PALM2AKAP2: variants seen among roughly 807,000 people sequenced by gnomAD.
PALM2AKAP2 encodes PALM2-AKAP2 fusion protein.
PALM2AKAP2 carries 37 observed loss-of-function variants against 71.5 expected under a neutral mutation model. The ratio of observed to expected loss-of-function variants is 0.52; its 90% CI spans 0.40 to 0.68. The LOEUF (loss-of-function observed/expected upper bound fraction) is 0.68, where lower values mean the gene tolerates loss of function less well. Ranked by LOEUF, PALM2AKAP2 falls within the 30% of genes least tolerant of loss-of-function variation. The pLI is 0.00. For missense variants in PALM2AKAP2, 1,224 were observed against 1,191.8 expected, an observed-to-expected ratio of 1.03 and a Z score of -0.40; for synonymous variants, 468 against 478.8, an observed-to-expected ratio of 0.98 and a Z score of 0.29.
intron 1 of PALM2AKAP2, among the ~76,000 whole-genome samples, chr9:110,120,250 G>A (rs1043403716): frequency 6.6e-6 from 1 of 152,182 alleles, no homozygotes. Context: ...GCAACAAGAT[G>A]GTGCCATTGC....
chr9:109,755,694 C>T (rs1828948021), intron 1 of PALM2AKAP2, among the ~76,000 whole-genome samples: 1 of 151,832 alleles, frequency 6.6e-6, no homozygotes, highest in Non-Finnish European at 1.5e-5. Context: ...TCCCCAGCCC[C>T]CACCTCCACC....
At chr9:110,109,337 C>CAAA (rs1835188422) in intron 1 of PALM2AKAP2, among the ~76,000 whole-genome samples, 1 of 107,022 alleles carries the variant, frequency 9.3e-6, no homozygotes, top group Non-Finnish European at 2.0e-5. Flanking sequence ...AAAAAAAAAA[C>CAAA]CAGAAAGAAA....
intron 1 of PALM2AKAP2, among the ~76,000 whole-genome samples, chr9:109,767,994 A>G (rs1829185012): frequency 8.8e-6 from 1 of 113,668 alleles, no homozygotes; most frequent in Non-Finnish European, 1.6e-5. Context: ...GGAAGGAGGG[A>G]GCAAAGGCAG....
chr9:109,914,041 C>T (rs747887929), intron 3 of PALM2AKAP2, among the ~76,000 whole-genome samples: 7 of 152,150 alleles, frequency 4.6e-5, no homozygotes, highest in Non-Finnish European at 1.0e-4. Context: ...CAGGCGTGAA[C>T]CACCGCGCCC....
chr9:109,867,856 A>C (rs907669770), intron 2 of PALM2AKAP2, among the ~76,000 whole-genome samples: 9 of 152,276 alleles, frequency 5.9e-5, no homozygotes, highest in Admixed American at 4.6e-4. Context: ...TTGGATGAGA[A>C]TACTTCACAG....
chr9:109,899,460 C>A (rs1830280844), intron 3 of PALM2AKAP2, among the ~76,000 whole-genome samples: 1 of 152,180 alleles, frequency 6.6e-6, no homozygotes, highest in African/African-American at 2.4e-5. Flanking sequence ...AGTCTCCCTT[C>A]CCCTAGTGTT....
At chr9:109,780,997 C>G (rs1829437005) in intron 1 of PALM2AKAP2, among the ~76,000 whole-genome samples, 1 of 152,154 alleles carries the variant, frequency 6.6e-6, no homozygotes, top group African/African-American at 2.4e-5. Flanking sequence ...GAACCTCCTC[C>G]CAGAAACCGG....
At chr9:109,733,587 A>G (rs75331425) in intron 1 of PALM2AKAP2, among the ~76,000 whole-genome samples, 6,584 of 152,220 alleles carry the variant, frequency 0.043, 189 homozygotes, top group Non-Finnish European at 0.053. Flanking sequence ...CTCCTTGTTT[A>G]TGGAATGACA....
chr9:110,096,928 T>TTTTA (rs149932603), intron 1 of PALM2AKAP2, among the ~76,000 whole-genome samples: 19,430 of 148,316 alleles, frequency 0.13, 1,675 homozygotes, highest in East Asian at 0.34. Flanking sequence ...AGAATTTTCT[T>TTTTA]TTTATTTATT....
chr9:109,962,706 G>A (rs1307727863), intron 6 of PALM2AKAP2, among the ~76,000 whole-genome samples: 6 of 150,720 alleles, frequency 4.0e-5, no homozygotes, highest in Middle Eastern at 3.2e-3. Flanking sequence ...GCAGTGGCAC[G>A]ATCTCGGCTC....
chr9:109,887,685 G>GC (rs35104652), intron 3 of PALM2AKAP2, among the ~76,000 whole-genome samples: 10 of 151,548 alleles, frequency 6.6e-5, no homozygotes, highest in African/African-American at 1.2e-4. Flanking sequence ...GTAACTTGCT[G>GC]CCCCCCCCTA....
chr9:110,016,290 A>G (rs750315381), intron 7 of PALM2AKAP2, among the ~76,000 whole-genome samples: 4 of 152,158 alleles, frequency 2.6e-5, no homozygotes, highest in Non-Finnish European at 5.9e-5. Flanking sequence ...AAACTGCTTG[A>G]AAACCAGAAT....
intron 1 of PALM2AKAP2, among the ~76,000 whole-genome samples, chr9:109,845,537 A>C (rs1361277722): frequency 6.6e-6 from 1 of 152,186 alleles, no homozygotes; most frequent in African/African-American, 2.4e-5. Flanking sequence ...GGTGACCCTT[A>C]CTGCGTAGTC....
intron 7 of PALM2AKAP2, among the ~76,000 whole-genome samples, chr9:110,016,902 CG>C (rs1832989401): frequency 6.6e-6 from 1 of 151,784 alleles, no homozygotes; most frequent in Non-Finnish European, 1.5e-5. Flanking sequence ...TTTTTTGAGA[CG>C]GAGTCTCTCT....
At chr9:110,110,648 G>C (rs1835227702) in intron 1 of PALM2AKAP2, among the ~76,000 whole-genome samples, 1 of 146,490 alleles carries the variant, frequency 6.8e-6, no homozygotes, top group Non-Finnish European at 1.5e-5. Flanking sequence ...CCGGGTTCAA[G>C]CGATTCTCCT....
intron 1 of PALM2AKAP2, among the ~76,000 whole-genome samples, chr9:109,857,982 T>G (rs1024732969): frequency 2.0e-5 from 3 of 152,234 alleles, no homozygotes; most frequent in African/African-American, 7.2e-5. Flanking sequence ...TAAATTGCAG[T>G]TGTTTAGACA....
In PALM2AKAP2 at chr9:110,091,616, C is replaced by T. The variant is rs560721695; in HGVS notation, c.156+42761C>T. ...TAGCTGGGACTATAGGCGCCTGCCT[C>T]CACACCCGGCTAATTTTTTGTATTT... is the stretch of plus-strand genomic sequence containing the variant. On this transcript the variant is annotated intron_variant, in intron 1 of 3. Coordinates refer to ENST00000374525, the Ensembl canonical transcript of PALM2AKAP2. 2.1e-3 allele frequency among the ~76,000 whole-genome samples: 323 copies of T among 151,588 alleles called. 2 individuals are homozygous for T. Among genetic ancestry groups the T allele is most frequent in the Middle Eastern group, 3.4e-3 (1 of 294 alleles).
At chr9:109,858,378 G>A (rs1295591741) in intron 1 of PALM2AKAP2, among the ~76,000 whole-genome samples, 4 of 152,238 alleles carry the variant, frequency 2.6e-5, no homozygotes, top group Admixed American at 2.6e-4. Context: ...ACATGTGACA[G>A]TCTGGAACGT....
At chr9:109,985,868 TTG>T (rs1832367909) in intron 6 of PALM2AKAP2, among the ~76,000 whole-genome samples, 1 of 152,060 alleles carries the variant, frequency 6.6e-6, no homozygotes, top group Non-Finnish European at 1.5e-5. Flanking sequence ...CAGGCTGGTC[TTG>T]AACTCCTGCC....
Sources: allele counts gnomAD v4.1 joint callset (sites outside exome capture counted in the v4.1 genomes callset), GRCh38; gene constraint gnomAD v4.1.1; transcripts MANE v1.5; gene names NCBI Gene and HGNC (gene_info 2026-07-23, HGNC 2026-07-21).